Variants in TNRC6A observed in about 807,000 individuals in gnomAD.
TNRC6A encodes the protein trinucleotide repeat-containing gene 6A protein.
Under a neutral mutation model 221.2 loss-of-function variants are expected in TNRC6A, and 44 were observed. That is an observed-to-expected ratio of 0.20 (90% CI 0.16 to 0.26). TNRC6A has a LOEUF of 0.26. Among genes scored for constraint, TNRC6A ranks in the 10% least tolerant of loss-of-function variants. The pLI, the probability that TNRC6A is intolerant of heterozygous loss-of-function variation, is 1.00. For synonymous variants in TNRC6A, 847 were observed against 838.5 expected, an observed-to-expected ratio of 1.01 and a Z score of -0.18; for missense variants, 2,199 against 2,404.4, an observed-to-expected ratio of 0.91 and a Z score of 1.79.
rs750731695 is a variant in TNRC6A, at chr16:24,806,570, T to A, written c.4330-4T>A. 1.2e-6 allele frequency: 2 copies of A among 1,614,208 alleles called. No homozygotes were observed. The highest frequency in any genetic ancestry group is 4.5e-5 in the East Asian group (2 of 44,892). ...ATTTTTTCCAATCATTTCATTGTTTTAAGGGTCGACCTCTTAGTGTGCAGC... is the reference window on the plus strand; with the variant it reads ...ATTTTTTCCAATCATTTCATTGTTTAAAGGGTCGACCTCTTAGTGTGCAGC... On this transcript the variant is annotated splice_polypyrimidine_tract_variant and splice_region_variant and intron_variant, in intron 16 of 24. Transcript: ENST00000395799.
intron 1 of TNRC6A, among the ~76,000 whole-genome samples, chr16:24,622,417 A>C (rs1244126509): frequency 6.6e-6 from 1 of 152,098 alleles, no homozygotes; most frequent in Non-Finnish European, 1.5e-5. Flanking sequence ...CCTGGCCAAC[A>C]TGGTGAAACC....
At chr16:24,742,249 G>A (rs1567412110) in intron 2 of TNRC6A, among the ~76,000 whole-genome samples, 2 of 152,180 alleles carry the variant, frequency 1.3e-5, no homozygotes, top group South Asian at 2.1e-4. Flanking sequence ...TAAATTAGAT[G>A]ATGAAGGCTT....
At chr16:24,657,330 A>C (rs1472902308) in intron 2 of TNRC6A, among the ~76,000 whole-genome samples, 1 of 148,612 alleles carries the variant, frequency 6.7e-6, no homozygotes, top group Non-Finnish European at 1.5e-5. Context: ...AAAAAAAAAA[A>C]AAAAAAAAAA....
chr16:24,781,916 A>G (rs11860561), intron 5 of TNRC6A, among the ~76,000 whole-genome samples: 9,470 of 150,050 alleles, frequency 0.063, 734 homozygotes, highest in East Asian at 0.35. Flanking sequence ...TCTGCTTCCC[A>G]GGTTCACACC....
intron 2 of TNRC6A, among the ~76,000 whole-genome samples, chr16:24,645,834 CAAAAAAAAAAAAAAAAA>C (rs36106864): frequency 0.037 from 985 of 26,720 alleles, 54 homozygotes; most frequent in African/African-American, 0.11. Flanking sequence ...CCTGTATCTA[CAAAAAAAAAAAAAAAAA>C]AAAAAAAAAA....
intron 18 of TNRC6A, among the ~76,000 whole-genome samples, chr16:24,812,997 T>C (rs1263030654): frequency 7.1e-6 from 1 of 140,080 alleles, no homozygotes; most frequent in Admixed American, 7.7e-5. Context: ...CACCTCAGCC[T>C]CCCGAGCAGC....
chr16:24,640,236 C>CA (rs1346544008), intron 1 of TNRC6A, among the ~76,000 whole-genome samples: 2 of 151,750 alleles, frequency 1.3e-5, no homozygotes, highest in Non-Finnish European at 2.9e-5. Context: ...TCTGCCTCTG[C>CA]AAAAAATACA....
At chr16:24,675,694 CTCTCTCTCTATA>C (rs1359831699) in intron 2 of TNRC6A, among the ~76,000 whole-genome samples, 57 of 81,064 alleles carry the variant, frequency 7.0e-4, no homozygotes, top group Non-Finnish European at 1.0e-3. Context: ...CTCTCTCTCT[CTCTCTCTCTATA>C]TATATATATA....
At chr16:24,730,046 G>A (rs1388487226) in intron 1 of TNRC6A, among the ~76,000 whole-genome samples, 200 bp downstream of exon 1, 5 of 148,570 alleles carry the variant, frequency 3.4e-5, no homozygotes, top group African/African-American at 7.3e-5. Context: ...CGCCGCGGGG[G>A]CCAGGCCGGG....
At chr16:24,730,616 T>C (rs1297180100) in intron 2 of TNRC6A, among the ~76,000 whole-genome samples, 2 of 152,166 alleles carry the variant, frequency 1.3e-5, no homozygotes, top group East Asian at 3.8e-4. Context: ...TTGCAGGCAT[T>C]GTGTGACTCA....
chr16:24,655,909 G>A (rs2054901253), intron 2 of TNRC6A, among the ~76,000 whole-genome samples: 2 of 152,198 alleles, frequency 1.3e-5, no homozygotes, highest in South Asian at 2.1e-4. Flanking sequence ...AGAGGCCAAG[G>A]CAGGAGGATC....
intron 2 of TNRC6A, among the ~76,000 whole-genome samples, chr16:24,664,181 A>T (rs950592801): frequency 6.6e-6 from 1 of 151,776 alleles, no homozygotes; most frequent in Non-Finnish European, 1.5e-5. Context: ...AAAATACAAA[A>T]ATTAGCTGAG....
In TNRC6A at chr16:24,633,799, TC is replaced by T. The variant is rs201330395; in HGVS notation, n.277-7084del. On this transcript the variant is annotated intron_variant and non_coding_transcript_variant, in intron 1 of 2. Transcript: ENST00000566108. Reference sequence around the variant, plus strand: ...GAATTTATCTCTCTTTTTTTTTTTTTCGAGACGAAGTCTCGCTTTGATGCCC... The same window carrying T: ...GAATTTATCTCTCTTTTTTTTTTTTTGAGACGAAGTCTCGCTTTGATGCCC... 5.9e-5 allele frequency among the ~76,000 whole-genome samples: 8 copies of T among 136,314 alleles called. No homozygotes were observed. In the South Asian group the frequency reaches 6.9e-4, roughly 12 times the overall value. The allele number at this position is 136,314 out of a possible 152,430, so 89.4% of individuals were successfully genotyped here. A position where few individuals can be genotyped will look rare whatever the true frequency, so the allele number is the denominator to read the frequency against.
At chr16:24,755,101 A>G (rs1237687504) in intron 3 of TNRC6A, among the ~76,000 whole-genome samples, 1 of 152,138 alleles carries the variant, frequency 6.6e-6, no homozygotes, top group Non-Finnish European at 1.5e-5. Context: ...ATTGCACCTT[A>G]CACTTCTCTT....
chr16:24,627,141 C>G (rs1479266905), intron 1 of TNRC6A, among the ~76,000 whole-genome samples: 2 of 151,968 alleles, frequency 1.3e-5, no homozygotes, highest in African/African-American at 4.8e-5. Flanking sequence ...ATCTGGGGTA[C>G]TGCTCACCTG....
intron 1 of TNRC6A, among the ~76,000 whole-genome samples, chr16:24,639,639 C>T (rs1254497648): frequency 1.3e-5 from 2 of 152,104 alleles, no homozygotes; most frequent in African/African-American, 2.4e-5. Context: ...TTGTACCAGC[C>T]GCTTTTTTTG....
chr16:24,739,771 A>C (rs2056853430), intron 2 of TNRC6A, among the ~76,000 whole-genome samples: 1 of 152,126 alleles, frequency 6.6e-6, no homozygotes, highest in Non-Finnish European at 1.5e-5. Context: ...GAGCCACCGC[A>C]TGCAGCCTCT....
intron 2 of TNRC6A, among the ~76,000 whole-genome samples, chr16:24,650,108 G>C (rs1453398735): frequency 2.0e-5 from 3 of 151,518 alleles, no homozygotes; most frequent in Non-Finnish European, 2.9e-5. Context: ...ACAGGTGTGA[G>C]CCACCACACC....
chr16:24,657,317 C>CAAAAAAAAAAA (rs56241898), intron 2 of TNRC6A, among the ~76,000 whole-genome samples: 2 of 88,172 alleles, frequency 2.3e-5, no homozygotes, highest in African/African-American at 1.0e-4. Flanking sequence ...GACCCTATCT[C>CAAAAAAAAAAA]AAAAAAAAAA....
Sources: allele counts gnomAD v4.1 joint callset (sites outside exome capture counted in the v4.1 genomes callset), GRCh38; gene constraint gnomAD v4.1.1; transcripts MANE v1.5; gene names NCBI Gene and HGNC (gene_info 2026-07-23, HGNC 2026-07-21).